The following THRB variants were observed in gnomAD, a reference collection of about 807,000 sequenced individuals.
THRB encodes thyroid hormone receptor beta.
Under a neutral mutation model 47.8 loss-of-function variants are expected in THRB, and 12 were observed. That is an observed-to-expected ratio of 0.25 (90% confidence interval 0.16 to 0.41). The LOEUF is 0.41. THRB is among the 10% of genes least tolerant of loss of function. THRB has a pLI of 1.00. For synonymous variants in THRB, 218 were observed against 212.2 expected (o/e 1.03, Z -0.24); for missense variants, 348 against 589.2 (o/e 0.59, Z 4.24).
chr3:24,122,960 C>G lies in THRB; in HGVS notation c.1310G>C (p.Ser437Thr). Residue 437 changes from serine to threonine, a missense_variant, in exon 11 of 11, where the codon AGC (serine) becomes ACC (threonine). Physicochemically the swap from Ser to Thr is moderately conservative, Grantham distance 58 (BLOSUM62 1). This residue lies in a region of THRB where 7 missense variants were observed against 46.8 expected (regional missense o/e 0.15). Transcript: ENST00000646209. Reference sequence around the variant, plus strand: ...TTCCACCTTCATGTGCAGGAAGCGGCTGGCATGGCAGGCTCCTATCATCCG... The same window carrying G: ...TTCCACCTTCATGTGCAGGAAGCGGGTGGCATGGCAGGCTCCTATCATCCG... Reference protein sequence around the residue: ...DLRMIGACHASRFLHMKVECP... With the variant: ...DLRMIGACHATRFLHMKVECP... 6.2e-7 allele frequency: 1 copy of G among 1,614,172 alleles called. No homozygotes were observed. Among genetic ancestry groups the G allele is most frequent in the Non-Finnish European group, 8.5e-7 (1 of 1,180,028 alleles).
At chr3:24,410,139 G>C (rs1269917869) in intron 1 of THRB, among the ~76,000 whole-genome samples, 1 of 151,802 alleles carries the variant, frequency 6.6e-6, no homozygotes, top group African/African-American at 2.4e-5. Context: ...TAAGCCAGAA[G>C]AAAAATTTAG....
At chr3:24,181,254 T>G (rs1207840011) in intron 5 of THRB, among the ~76,000 whole-genome samples, 2 of 152,264 alleles carry the variant, frequency 1.3e-5, no homozygotes, top group Non-Finnish European at 2.9e-5. Flanking sequence ...AAAATATGAT[T>G]ATCATATTGG....
At chr3:24,182,829 C>A (rs1393951447) in intron 5 of THRB, among the ~76,000 whole-genome samples, 1 of 152,192 alleles carries the variant, frequency 6.6e-6, no homozygotes, top group Non-Finnish European at 1.5e-5. Context: ...CTCTACTGCT[C>A]CCATCACAGC....
At chr3:24,377,099 T>C (rs875895) in intron 1 of THRB, among the ~76,000 whole-genome samples, 96,222 of 151,904 alleles carry the variant, frequency 0.63, 31,417 homozygotes, top group African/African-American at 0.8. Context: ...CACCACACTT[T>C]GCTAATTTAT....
At chr3:24,312,909 G>C (rs936602795) in intron 2 of THRB, among the ~76,000 whole-genome samples, 1 of 152,216 alleles carries the variant, frequency 6.6e-6, no homozygotes, top group Non-Finnish European at 1.5e-5. Context: ...CAAAGAGAAA[G>C]ACCAGTTAAT....
intron 1 of THRB, among the ~76,000 whole-genome samples, chr3:24,378,672 G>A (rs1158160996): frequency 1.3e-5 from 2 of 152,016 alleles, no homozygotes; most frequent in African/African-American, 4.8e-5. Flanking sequence ...GAGACACATG[G>A]GAGATGCCAC....
intron 3 of THRB, among the ~76,000 whole-genome samples, chr3:24,290,253 G>C (rs1048739378): frequency 2.4e-4 from 36 of 152,222 alleles, no homozygotes; most frequent in Admixed American, 2.3e-3. Flanking sequence ...AATCTTTCAG[G>C]AAGTTTACTG....
At chr3:24,266,567 A>C (rs2052671731) in intron 3 of THRB, among the ~76,000 whole-genome samples, 1 of 152,264 alleles carries the variant, frequency 6.6e-6, no homozygotes, top group African/African-American at 2.4e-5. Flanking sequence ...TTAGTGAAAG[A>C]GCTGAAGCCC....
rs1469424670 is a variant in THRB at position 24,331,634 on chromosome 3, T to A, written c.-189+5666A>T. Reference sequence around the variant, plus strand: ...GTATGCATGTGTGTATGAATATACATACACATATATAGTGTGTTTATATAC... The same window carrying A: ...GTATGCATGTGTGTATGAATATACAAACACATATATAGTGTGTTTATATAC... On this transcript the variant is annotated intron_variant, in intron 2 of 10. Transcript: ENST00000646209. Among the ~76,000 whole-genome samples, 5 of 151,792 alleles carry A rather than the reference T, an allele frequency of 3.3e-5. No homozygotes were observed. The East Asian group carries it at 9.8e-4, about 30-fold the overall frequency.
intron 1 of THRB, among the ~76,000 whole-genome samples, chr3:24,419,256 A>G (rs933872780): frequency 6.6e-6 from 1 of 151,864 alleles, no homozygotes; most frequent in Non-Finnish European, 1.5e-5. Flanking sequence ...GGCAGGCTCA[A>G]TGCTATCCCA....
At chr3:24,185,880 G>A (rs963880570) in intron 5 of THRB, among the ~76,000 whole-genome samples, 4 of 152,142 alleles carry the variant, frequency 2.6e-5, no homozygotes, top group Admixed American at 6.5e-5. Context: ...CTTCAGGGGA[G>A]GATCAGGGCC....
chr3:24,267,429 A>G (rs995921907), intron 3 of THRB, among the ~76,000 whole-genome samples: 4 of 152,068 alleles, frequency 2.6e-5, no homozygotes, highest in Admixed American at 2.0e-4. Flanking sequence ...CAGGATAAAG[A>G]GTGATAAACA....
chr3:24,368,375 GAGA>G (rs2064645212), intron 1 of THRB, among the ~76,000 whole-genome samples: 2 of 152,076 alleles, frequency 1.3e-5, no homozygotes, highest in African/African-American at 4.8e-5. Flanking sequence ...TGAACAGGAG[GAGA>G]AGATTCTTCT....
intron 4 of THRB, among the ~76,000 whole-genome samples, chr3:24,222,927 G>A (rs1236713648): frequency 6.6e-6 from 1 of 152,164 alleles, no homozygotes; most frequent in African/African-American, 2.4e-5. Context: ...TGGGGAGACA[G>A]GAATTCAGGA....
At chr3:24,310,463 T>C (rs2149196191) in intron 2 of THRB, among the ~76,000 whole-genome samples, 1 of 152,346 alleles carries the variant, frequency 6.6e-6, no homozygotes, top group South Asian at 2.1e-4. Context: ...ACAGCAGTGA[T>C]TCTCAAACTT....
intron 2 of THRB, among the ~76,000 whole-genome samples, chr3:24,307,922 A>T (rs1175930661): frequency 6.6e-6 from 1 of 152,188 alleles, no homozygotes; most frequent in Non-Finnish European, 1.5e-5. Flanking sequence ...TGGTCAAGTT[A>T]AGACTATGAG....
At chr3:24,123,947 A>G (rs1393942807) in intron 10 of THRB, among the ~76,000 whole-genome samples, 2 of 152,196 alleles carry the variant, frequency 1.3e-5, no homozygotes, top group African/African-American at 4.8e-5. Context: ...GGGTGACACA[A>G]GGAGGCTGGG....
intron 1 of THRB, among the ~76,000 whole-genome samples, chr3:24,374,499 T>C (rs1482457088): frequency 6.6e-6 from 1 of 152,162 alleles, no homozygotes; most frequent in Non-Finnish European, 1.5e-5. Context: ...ACGACTAAAA[T>C]GTTACATAAC....
intron 1 of THRB, among the ~76,000 whole-genome samples, chr3:24,415,294 G>A (rs1251992410): frequency 2.0e-5 from 3 of 151,820 alleles, no homozygotes; most frequent in Admixed American, 2.0e-4. Flanking sequence ...CTATTGCTGT[G>A]ACTAACAAAC....
Sources: allele counts gnomAD v4.1 joint callset (sites outside exome capture counted in the v4.1 genomes callset), GRCh38; gene constraint gnomAD v4.1.1; regional missense constraint gnomAD v4.1.1; transcripts MANE v1.5; gene names NCBI Gene and HGNC (gene_info 2026-07-23, HGNC 2026-07-21).